ZNF804A: variants seen among roughly 807,000 people sequenced by gnomAD.
ZNF804A encodes zinc finger protein 804A.
Under a neutral mutation model 16.5 loss-of-function variants are expected in ZNF804A, and 2 were observed. The observed-to-expected ratio is 0.12, with a 90% CI of 0.05 to 0.38. The LOEUF (loss-of-function observed/expected upper bound fraction) is 0.38, where lower values mean the gene tolerates loss of function less well. Ranked by LOEUF, ZNF804A falls within the 10% of genes least tolerant of loss-of-function variation. The pLI, the probability that ZNF804A is intolerant of heterozygous loss-of-function variation, is 0.99. For missense variants in ZNF804A, 1,473 were observed against 1,390.7 expected (o/e 1.06, Z -0.94); for synonymous variants, 534 against 489.6 (o/e 1.09, Z -1.20).
chr2:184,907,594 G>A (rs1685297173), intron 2 of ZNF804A, among the ~76,000 whole-genome samples: 1 of 152,028 alleles, frequency 6.6e-6, no homozygotes, highest in Non-Finnish European at 1.5e-5. Context: ...AAATCATATG[G>A]TTGAATGAAG....
chr2:184,696,319 A>G (rs1006137832), intron 1 of ZNF804A, among the ~76,000 whole-genome samples: 2 of 152,228 alleles, frequency 1.3e-5, no homozygotes, highest in Non-Finnish European at 2.9e-5. Context: ...ACAGGCAACA[A>G]CATCAAATCC....
intron 2 of ZNF804A, among the ~76,000 whole-genome samples, chr2:184,873,971 G>A (rs1310481296): frequency 6.6e-6 from 1 of 151,936 alleles, no homozygotes; most frequent in East Asian, 1.9e-4. Flanking sequence ...ATTCTAATAG[G>A]TATGAACAAC....
chr2:184,833,413 C>T (rs1162265252), intron 1 of ZNF804A, among the ~76,000 whole-genome samples: 1 of 152,028 alleles, frequency 6.6e-6, no homozygotes, highest in Non-Finnish European at 1.5e-5. Flanking sequence ...TGCACTATCC[C>T]ATACTGTCAC....
intron 1 of ZNF804A, among the ~76,000 whole-genome samples, chr2:184,862,515 C>G (rs1695815848): frequency 6.6e-6 from 1 of 152,080 alleles, no homozygotes; most frequent in Admixed American, 6.6e-5. Flanking sequence ...TTCAGCCATG[C>G]TATGTTTCCT....
chr2:184,936,489 A>G lies in ZNF804A; in HGVS notation c.1093A>G (p.Met365Val). 6.2e-7 allele frequency: 1 copy of G among 1,613,952 alleles called. No homozygotes were observed. Among genetic ancestry groups the G allele is most frequent in the Non-Finnish European group, 8.5e-7 (1 of 1,179,944 alleles). Residue 365 changes from methionine (M) to valine (V), a missense_variant, in exon 4 of 4, where the codon ATG becomes GTG. Physicochemically the swap from Met to Val is conservative, Grantham distance 21. Transcript: ENST00000302277. ...LLGNKSTVLDMSNDCISVQAT... is the reference protein window; with the variant it reads ...LLGNKSTVLDVSNDCISVQAT... ...AGGAAATAAATCCACAGTTCTTGAC[A>G]TGTCTAATGATTGCATATCTGTGCA...
At chr2:184,774,540 A>AG (rs573926835) in intron 1 of ZNF804A, among the ~76,000 whole-genome samples, 45 of 151,826 alleles carry the variant, frequency 3.0e-4, no homozygotes, top group Non-Finnish European at 6.3e-4. Context: ...AAATTGTGAA[A>AG]GGGGGGTCTT....
chr2:184,631,614 A>G (rs1020091254), intron 1 of ZNF804A, among the ~76,000 whole-genome samples: 1 of 152,172 alleles, frequency 6.6e-6, no homozygotes, highest in Non-Finnish European at 1.5e-5. Flanking sequence ...CTAATAAGTT[A>G]CAGTTCATAT....
intron 2 of ZNF804A, among the ~76,000 whole-genome samples, chr2:184,877,662 G>A (rs1028635293): frequency 1.1e-4 from 17 of 151,970 alleles, no homozygotes; most frequent in African/African-American, 3.4e-4. Flanking sequence ...TTTAAAAATA[G>A]CATTCCCAGA....
At chr2:184,652,232 A>T (rs1289482614) in intron 1 of ZNF804A, among the ~76,000 whole-genome samples, 3 of 152,154 alleles carry the variant, frequency 2.0e-5, no homozygotes, top group Non-Finnish European at 4.4e-5. Context: ...TTTGAGCTAA[A>T]TATTGGGTAC....
At chr2:184,664,188 C>T (rs1692222404) in intron 1 of ZNF804A, among the ~76,000 whole-genome samples, 1 of 151,916 alleles carries the variant, frequency 6.6e-6, no homozygotes. Flanking sequence ...GTATCAATAC[C>T]AGTATTTAGC....
intron 2 of ZNF804A, among the ~76,000 whole-genome samples, chr2:184,918,434 C>T (rs937393527): frequency 1.3e-5 from 2 of 152,032 alleles, no homozygotes; most frequent in East Asian, 1.9e-4. Context: ...AGGGAGTGTG[C>T]CTGTCCCATG....
At chr2:184,699,355 T>G (rs562531807) in intron 1 of ZNF804A, among the ~76,000 whole-genome samples, 1 of 152,248 alleles carries the variant, frequency 6.6e-6, no homozygotes, top group East Asian at 1.9e-4. Flanking sequence ...TCTGAAAGCT[T>G]TCAATGAGTT....
intron 1 of ZNF804A, among the ~76,000 whole-genome samples, chr2:184,702,990 A>G (rs902369199): frequency 3.3e-5 from 5 of 152,164 alleles, no homozygotes; most frequent in Admixed American, 6.5e-5. Flanking sequence ...ATGTCTATGC[A>G]TATGTCATAT....
At chr2:184,739,754 C>A (rs898006977) in intron 1 of ZNF804A, among the ~76,000 whole-genome samples, 1 of 152,146 alleles carries the variant, frequency 6.6e-6, no homozygotes, top group Non-Finnish European at 1.5e-5. Flanking sequence ...CCTCCATACA[C>A]AACCACTCAA....
chr2:184,933,481 T>C, intron 2 of ZNF804A, 122 bp from the exon 3 acceptor site: 1 of 868,986 alleles, frequency 1.2e-6, no homozygotes, highest in Non-Finnish European at 1.7e-6. Flanking sequence ...GTCATGAATG[T>C]TGTGTTTACC....
intron 1 of ZNF804A, among the ~76,000 whole-genome samples, chr2:184,618,328 C>A (rs1268898089): frequency 6.6e-6 from 1 of 152,038 alleles, no homozygotes; most frequent in East Asian, 1.9e-4. Flanking sequence ...AAGTTTTCAG[C>A]AAAGACATTT....
intron 1 of ZNF804A, among the ~76,000 whole-genome samples, chr2:184,816,618 C>A (rs187948182): frequency 6.6e-6 from 1 of 151,922 alleles, no homozygotes; most frequent in Non-Finnish European, 1.5e-5. Flanking sequence ...TAAACATGGT[C>A]AAAACTGTCT....
At chr2:184,878,412 G>A (rs543190360) in intron 2 of ZNF804A, among the ~76,000 whole-genome samples, 72 of 152,084 alleles carry the variant, frequency 4.7e-4, no homozygotes, top group South Asian at 1.0e-3. Flanking sequence ...ACTAGCTTCC[G>A]ACTTCAATAA....
In ZNF804A at chr2:184,865,295, C is replaced by T. The variant is rs547510162; in HGVS notation, c.112-1074C>T. Among the ~76,000 whole-genome samples, 20 of 151,978 alleles carry T rather than the reference C, an allele frequency of 1.3e-4. No individual in the cohort carries two copies. In the South Asian group the frequency reaches 2.5e-3, roughly 19 times the overall value. On this transcript the variant is annotated intron_variant, in intron 1 of 3. Coordinates refer to ENST00000302277, the MANE Select transcript of ZNF804A (RefSeq NM_194250.2). ...TCACATCATGAATAATGTTTACACA[C>T]GGAAACATTGTCCAATTTTCACTTA...
Sources: allele counts gnomAD v4.1 joint callset (sites outside exome capture counted in the v4.1 genomes callset), GRCh38; gene constraint gnomAD v4.1.1; transcripts MANE v1.5; gene names NCBI Gene and HGNC (gene_info 2026-07-23, HGNC 2026-07-21).